TMTC2: variants seen among roughly 807,000 people sequenced by gnomAD.
TMTC2 encodes protein O-mannosyl-transferase TMTC2.
A neutral mutation model predicts 82.4 loss-of-function variants in TMTC2; 43 were observed. The observed-to-expected ratio is 0.52, with a 90% CI of 0.41 to 0.67. The LOEUF (loss-of-function observed/expected upper bound fraction) is 0.67. Ranked by LOEUF, TMTC2 falls within the 30% of genes least tolerant of loss-of-function variation. The probability of loss-of-function intolerance (pLI) is 0.00; values close to 1 mark genes in which losing one functional copy is unlikely to be tolerated. For missense variants in TMTC2, 919 were observed against 1,012.4 expected, an observed-to-expected ratio of 0.91 and a Z score of 1.25; for synonymous variants, 408 against 381.9, an observed-to-expected ratio of 1.07 and a Z score of -0.80.
At chr12:82,790,356 TGA>T (rs1878405978) in intron 1 of TMTC2, among the ~76,000 whole-genome samples, 1 of 152,148 alleles carries the variant, frequency 6.6e-6, no homozygotes, top group South Asian at 2.1e-4. Context: ...TGTCCCTCTT[TGA>T]GAGAGTCAAT....
intron 2 of TMTC2, among the ~76,000 whole-genome samples, chr12:82,863,989 T>C (rs973891252): frequency 1.3e-5 from 2 of 152,070 alleles, no homozygotes; most frequent in African/African-American, 2.4e-5. Context: ...AGAAATGCCT[T>C]CTGGAGCAGA....
chr12:82,966,930 T>C lies in TMTC2; in HGVS notation c.1881T>C (p.Ser627=). ...HEQGHYEEAL[S]VYKEAIQKMP... is the part of the protein sequence containing the mutation. ...GTTTTATAAATTAGGAAGCCCTTAGTGTATACAAGGAAGCAATTCAGAAAA... is the reference window on the plus strand; with the variant it reads ...GTTTTATAAATTAGGAAGCCCTTAGCGTATACAAGGAAGCAATTCAGAAAA... Residue 627 remains serine, a synonymous_variant, in exon 7 of 12, where the codon AGT becomes AGC. Coordinates refer to ENST00000321196, the MANE Select transcript of TMTC2 (RefSeq NM_152588.3). The C allele has an allele frequency of 2.5e-6, 4 of 1,611,956 alleles. No individual in the cohort carries two copies. The South Asian group carries it at 4.4e-5, about 18-fold the overall frequency.
At chr12:82,844,585 A>T (rs575376646) in intron 1 of TMTC2, among the ~76,000 whole-genome samples, 1 of 151,268 alleles carries the variant, frequency 6.6e-6, no homozygotes, top group African/African-American at 2.4e-5. Context: ...GCAGATCACG[A>T]AGTCAGGAGA....
At chr12:82,946,806 AT>A (rs1877024533) in intron 4 of TMTC2, among the ~76,000 whole-genome samples, 1 of 146,966 alleles carries the variant, frequency 6.8e-6, no homozygotes, top group Non-Finnish European at 1.5e-5. Context: ...CAGTGGCGCC[AT>A]CTCGGCTCAC....
intron 1 of TMTC2, among the ~76,000 whole-genome samples, chr12:82,839,539 A>C (rs1019013271): frequency 6.6e-6 from 1 of 152,196 alleles, no homozygotes; most frequent in Non-Finnish European, 1.5e-5. Context: ...ATTAACAAAG[A>C]TACAAGAGGT....
chr12:83,129,663 GA>G (rs1885202283), intron 11 of TMTC2, among the ~76,000 whole-genome samples: 1 of 152,144 alleles, frequency 6.6e-6, no homozygotes, highest in African/African-American at 2.4e-5. Context: ...AGCCAGTTCA[GA>G]AATCCTCAGT....
At chr12:83,089,392 T>A (rs556107261) in intron 11 of TMTC2, among the ~76,000 whole-genome samples, 1 of 152,236 alleles carries the variant, frequency 6.6e-6, no homozygotes, top group Non-Finnish European at 1.5e-5. Flanking sequence ...CGGCACATAG[T>A]AAACACTCAA....
intron 1 of TMTC2, among the ~76,000 whole-genome samples, chr12:82,812,865 T>C (rs903084104): frequency 1.3e-5 from 2 of 152,030 alleles, no homozygotes; most frequent in Non-Finnish European, 2.9e-5. Context: ...AACAAATTTT[T>C]AAAAATCATA....
chr12:82,816,860 C>T (rs1447727050), intron 1 of TMTC2, among the ~76,000 whole-genome samples: 1 of 152,092 alleles, frequency 6.6e-6, no homozygotes, highest in Non-Finnish European at 1.5e-5. Flanking sequence ...TCTGCTTATT[C>T]CAGTCTGCAC....
At chr12:82,929,913 TTATATC>T (rs777216502) in intron 3 of TMTC2, among the ~76,000 whole-genome samples, 1 of 152,206 alleles carries the variant, frequency 6.6e-6, no homozygotes, top group Non-Finnish European at 1.5e-5. Context: ...TAAAAGAACA[TTATATC>T]TATAATGTTT....
rs1341995813 is a variant in TMTC2 at position 82,790,784 on chromosome 12, G to A, written c.84-66226G>A. 4.0e-5 allele frequency among the ~76,000 whole-genome samples: 6 copies of A among 149,032 alleles called. 1 individual carries two copies. The highest frequency in any genetic ancestry group is 1.3e-4 in the Admixed American group (2 of 14,824). On this transcript the variant is annotated intron_variant, in intron 1 of 11. Transcript: ENST00000321196. ...GGAGGTTACAGTGAGCTGAGATCGCGCCTTTGCACTCCAGCCTGGGCAATA... is the reference window on the plus strand; with the variant it reads ...GGAGGTTACAGTGAGCTGAGATCGCACCTTTGCACTCCAGCCTGGGCAATA...
chr12:82,796,049 A>G (rs1176771698), intron 1 of TMTC2, among the ~76,000 whole-genome samples: 1 of 152,174 alleles, frequency 6.6e-6, no homozygotes, highest in African/African-American at 2.4e-5. Context: ...GAAACTTAGA[A>G]CAGGGCCAGC....
chr12:83,105,905 CA>C (rs1449923765), intron 11 of TMTC2, among the ~76,000 whole-genome samples: 1 of 152,078 alleles, frequency 6.6e-6, no homozygotes, highest in African/African-American at 2.4e-5. Flanking sequence ...GAATGGGAAT[CA>C]GCAGAAATAA....
chr12:82,793,989 T>G (rs892802833), intron 1 of TMTC2, among the ~76,000 whole-genome samples: 3 of 152,182 alleles, frequency 2.0e-5, no homozygotes, highest in African/African-American at 7.2e-5. Flanking sequence ...ATCAACTGCT[T>G]TGTGCCCCCA....
At chr12:82,826,343 C>T (rs11835207) in intron 1 of TMTC2, among the ~76,000 whole-genome samples, 9,282 of 152,094 alleles carry the variant, frequency 0.061, 308 homozygotes, top group Middle Eastern at 0.19. Flanking sequence ...TTAGAACCCA[C>T]GAATACCATG....
chr12:83,106,093 T>C (rs557531466), intron 11 of TMTC2, among the ~76,000 whole-genome samples: 1 of 152,288 alleles, frequency 6.6e-6, no homozygotes, highest in East Asian at 1.9e-4. Flanking sequence ...ATATCAGATA[T>C]ATGTGAGTAA....
intron 9 of TMTC2, among the ~76,000 whole-genome samples, chr12:83,035,676 A>G (rs1432113690): frequency 6.6e-6 from 1 of 152,132 alleles, no homozygotes; most frequent in Admixed American, 6.6e-5. Flanking sequence ...CAGTTTATAA[A>G]TCTCAAAGGT....
At chr12:83,012,798 G>A (rs959330755) in intron 8 of TMTC2, among the ~76,000 whole-genome samples, 2 of 152,098 alleles carry the variant, frequency 1.3e-5, no homozygotes, top group Non-Finnish European at 2.9e-5. Context: ...TAATGAGTAT[G>A]TACAGTATTC....
intron 2 of TMTC2, among the ~76,000 whole-genome samples, chr12:82,887,538 C>T (rs963127753): frequency 2.0e-5 from 3 of 152,098 alleles, no homozygotes; most frequent in African/African-American, 7.2e-5. Context: ...TCACATTATT[C>T]ATTCATTAAG....
Sources: gnomAD v4.1 joint callset for allele counts (sites outside exome capture counted in the v4.1 genomes callset) on GRCh38, gnomAD v4.1.1 for gene constraint, MANE v1.5 for transcripts, NCBI Gene and HGNC (gene_info 2026-07-23, HGNC 2026-07-21) for gene names.